Variants in SPMIP2 observed in about 807,000 individuals in gnomAD.
The protein encoded by SPMIP2 is sperm microtubule inner protein 2.
the SPMIP2 span, among the ~76,000 whole-genome samples, chr4:158,975,714 T>C: frequency 6.6e-6 from 1 of 152,206 alleles, no homozygotes; most frequent in Admixed American, 6.5e-5. Context: ...TGTACTATAG[T>C]TTGAAGTCAG....
the SPMIP2 span, among the ~76,000 whole-genome samples, chr4:159,075,695 C>G: frequency 1.3e-5 from 2 of 152,026 alleles, no homozygotes; most frequent in African/African-American, 4.8e-5. Flanking sequence ...GGGACTTCCA[C>G]TATGCATAAA....
the SPMIP2 span, among the ~76,000 whole-genome samples, chr4:158,966,375 T>C: frequency 6.6e-6 from 1 of 152,234 alleles, no homozygotes; most frequent in Admixed American, 6.5e-5. Flanking sequence ...TCCAGTGATC[T>C]TAAAAAGACA....
the SPMIP2 span, chr4:159,064,475 G>T: frequency 6.6e-5 from 10 of 152,162 alleles, no homozygotes; most frequent in Non-Finnish European, 5.9e-5. Flanking sequence ...TCACATTTCC[G>T]ATGTCAGTAA....
At chr4:158,979,913 T>C in the SPMIP2 span, among the ~76,000 whole-genome samples, 1 of 149,676 alleles carries the variant, frequency 6.7e-6, no homozygotes, top group Non-Finnish European at 1.5e-5. Context: ...GCTCAGCGGA[T>C]CCCCTCCCCA....
At chr4:159,016,668 C>T in the SPMIP2 span, among the ~76,000 whole-genome samples, 1 of 152,288 alleles carries the variant, frequency 6.6e-6, no homozygotes, top group African/African-American at 2.4e-5. Flanking sequence ...CTGCTTCAAG[C>T]GTGCTTGCCA....
At chr4:159,081,012 T>C in the SPMIP2 span, among the ~76,000 whole-genome samples, 5 of 150,580 alleles carry the variant, frequency 3.3e-5, no homozygotes, top group East Asian at 9.8e-4. Context: ...CACGAATGAC[T>C]GTGCCCGGAC....
At chr4:159,021,176 T>A in the SPMIP2 span, among the ~76,000 whole-genome samples, 2 of 152,240 alleles carry the variant, frequency 1.3e-5, no homozygotes, top group African/African-American at 4.8e-5. Context: ...CCCATCCAAA[T>A]TTGGAGATAA....
At chr4:159,081,189 C>A in the SPMIP2 span, among the ~76,000 whole-genome samples, 1 of 152,004 alleles carries the variant, frequency 6.6e-6, no homozygotes, top group Admixed American at 6.5e-5. Context: ...AGGTGCGCAC[C>A]ACTGCACCTG....
chr4:158,910,879 C>T, the SPMIP2 span, among the ~76,000 whole-genome samples: 2 of 152,146 alleles, frequency 1.3e-5, no homozygotes, highest in African/African-American at 4.8e-5. Flanking sequence ...TCTTGCTCTC[C>T]TACATGCACA....
At chr4:158,918,633 A>G in the SPMIP2 span, among the ~76,000 whole-genome samples, 4 of 152,242 alleles carry the variant, frequency 2.6e-5, no homozygotes, top group African/African-American at 9.6e-5. Context: ...TATCTCCTAC[A>G]TCCCTGAAAT....
chr4:159,040,593 G>A, the SPMIP2 span, among the ~76,000 whole-genome samples: 1 of 151,992 alleles, frequency 6.6e-6, no homozygotes, highest in Non-Finnish European at 1.5e-5. Context: ...AGCCTCCCAA[G>A]TAGCTGAGAT....
chr4:158,993,244 G>T, the SPMIP2 span, among the ~76,000 whole-genome samples: 1 of 151,990 alleles, frequency 6.6e-6, no homozygotes, highest in Non-Finnish European at 1.5e-5. Context: ...GCATGCCCGG[G>T]TAGTCCCAGC....
chr4:159,046,710 C>A, the SPMIP2 span, among the ~76,000 whole-genome samples: 1 of 152,184 alleles, frequency 6.6e-6, no homozygotes, highest in African/African-American at 2.4e-5. Flanking sequence ...GAAGCTGGGA[C>A]TACATGTGCA....
the SPMIP2 span, among the ~76,000 whole-genome samples, chr4:159,072,284 G>A: frequency 4.6e-5 from 7 of 152,144 alleles, no homozygotes; most frequent in Admixed American, 2.6e-4. Context: ...ACTCACTCCA[G>A]CCTGAGTGAT....
At chr4:159,040,304 T>C in the SPMIP2 span, among the ~76,000 whole-genome samples, 4 of 152,066 alleles carry the variant, frequency 2.6e-5, no homozygotes, top group Non-Finnish European at 4.4e-5. Context: ...CCCGAGTAGC[T>C]GGGATTACAG....
At chr4:159,077,081 C>A in the SPMIP2 span, among the ~76,000 whole-genome samples, 1 of 151,618 alleles carries the variant, frequency 6.6e-6, no homozygotes, top group African/African-American at 2.4e-5. Context: ...GGTGATCTGC[C>A]CACCTTGGCC....
the SPMIP2 span, among the ~76,000 whole-genome samples, chr4:158,990,571 C>T: frequency 6.6e-6 from 1 of 152,294 alleles, no homozygotes; most frequent in African/African-American, 2.4e-5. Flanking sequence ...AAGATGAGGT[C>T]ATGTTCTTTG....
At chr4:159,034,371 G>A in the SPMIP2 span, among the ~76,000 whole-genome samples, 3 of 152,192 alleles carry the variant, frequency 2.0e-5, no homozygotes, top group Non-Finnish European at 2.9e-5. Context: ...ATAATGTTAT[G>A]AGAAGCTTAA....
the SPMIP2 span, among the ~76,000 whole-genome samples, chr4:158,972,757 G>A: frequency 1.3e-5 from 2 of 152,204 alleles, no homozygotes; most frequent in East Asian, 1.9e-4. Context: ...CATCGTCCAC[G>A]CATGAAGCAG....
Sources: allele counts gnomAD v4.1 joint callset (sites outside exome capture counted in the v4.1 genomes callset), GRCh38; gene constraint gnomAD v4.1.1; transcripts MANE v1.5; gene names NCBI Gene and HGNC (gene_info 2026-07-23, HGNC 2026-07-21).